TENM3: variants seen among roughly 807,000 people sequenced by gnomAD.
The protein encoded by TENM3 is teneurin-3.
A neutral mutation model predicts 255.1 loss-of-function variants in TENM3; 63 were observed. The observed-to-expected ratio is 0.25, with a 90% confidence interval of 0.20 to 0.30. The LOEUF (loss-of-function observed/expected upper bound fraction) is 0.30. TENM3 is among the 10% of genes least tolerant of loss of function. The pLI is 1.00. For synonymous variants in TENM3, 1,306 were observed against 1,322.3 expected (o/e 0.99, Z 0.27); for missense variants, 2,929 against 3,461.1 (o/e 0.85, Z 3.86).
At chr4:181,731,061 T>C in the TENM3 span, among the ~76,000 whole-genome samples, 1 of 152,338 alleles carries the variant, frequency 6.6e-6, no homozygotes, top group South Asian at 2.1e-4. Flanking sequence ...AAATCATGTC[T>C]GTGCAAGAGA....
intron 12 of TENM3, among the ~76,000 whole-genome samples, chr4:182,695,151 A>G (rs1757304854): frequency 6.6e-6 from 1 of 152,182 alleles, no homozygotes; most frequent in Non-Finnish European, 1.5e-5. Flanking sequence ...ACCCACAAAT[A>G]GCTGTTCTGG....
the TENM3 span, among the ~76,000 whole-genome samples, chr4:182,116,666 G>T: frequency 6.6e-6 from 1 of 152,168 alleles, no homozygotes; most frequent in African/African-American, 2.4e-5. Flanking sequence ...AAATTACCCA[G>T]TCTCAAGTAT....
At chr4:182,151,151 G>T (rs1750320251) in intron 1 of TENM3, among the ~76,000 whole-genome samples, 1 of 152,100 alleles carries the variant, frequency 6.6e-6, no homozygotes, top group East Asian at 1.9e-4. Context: ...TTCTATACTG[G>T]GATGGTATCT....
chr4:182,743,108 G>A, intron 18 of TENM3, 62 bp from the exon 19 acceptor site: 1 of 1,510,750 alleles, frequency 6.6e-7, no homozygotes, highest in Non-Finnish European at 8.9e-7. Context: ...TCATGAACAT[G>A]TTTGCTTTTC....
At chr4:182,025,955 C>T in the TENM3 span, among the ~76,000 whole-genome samples, 5 of 152,146 alleles carry the variant, frequency 3.3e-5, no homozygotes, top group African/African-American at 1.2e-4. Flanking sequence ...AGGTATTTCT[C>T]CTAATGCTAT....
At chr4:182,653,171 G>C (rs934712865) in intron 5 of TENM3, among the ~76,000 whole-genome samples, 5 of 152,168 alleles carry the variant, frequency 3.3e-5, no homozygotes, top group Admixed American at 3.3e-4. Context: ...GAAATTACCT[G>C]ACACATGTAC....
the TENM3 span, among the ~76,000 whole-genome samples, chr4:181,782,128 G>A: frequency 6.6e-6 from 1 of 152,102 alleles, no homozygotes. Flanking sequence ...GATGATGCTG[G>A]CCTCATAAAA....
intron 3 of TENM3, among the ~76,000 whole-genome samples, chr4:182,599,006 A>G (rs1359340326): frequency 6.6e-6 from 1 of 152,112 alleles, no homozygotes; most frequent in Non-Finnish European, 1.5e-5. Flanking sequence ...CTTTTTAGGC[A>G]AAGTCTTGTT....
chr4:182,043,873 C>T, the TENM3 span, among the ~76,000 whole-genome samples: 3 of 152,130 alleles, frequency 2.0e-5, no homozygotes, highest in Admixed American at 6.5e-5. Flanking sequence ...GCGCTCCCTA[C>T]GAAAGCCACT....
the TENM3 span, among the ~76,000 whole-genome samples, chr4:181,636,766 C>T: frequency 1.2e-4 from 18 of 152,316 alleles, no homozygotes; most frequent in Admixed American, 2.6e-4. Flanking sequence ...TTATCCTCAA[C>T]GCAGCGACCA....
At chr4:181,792,073 T>C in the TENM3 span, among the ~76,000 whole-genome samples, 1 of 152,202 alleles carries the variant, frequency 6.6e-6, no homozygotes, top group Non-Finnish European at 1.5e-5. Flanking sequence ...GGCTTACCTA[T>C]AATAAACCCA....
intron 2 of TENM3, among the ~76,000 whole-genome samples, chr4:182,341,853 C>G (rs572196499): frequency 6.6e-6 from 1 of 152,230 alleles, no homozygotes; most frequent in Non-Finnish European, 1.5e-5. Context: ...CTCACAGAAT[C>G]AGCTGCTTTT....
chr4:182,746,184 T>G (rs945147084), intron 19 of TENM3, among the ~76,000 whole-genome samples: 25 of 152,288 alleles, frequency 1.6e-4, no homozygotes, highest in Middle Eastern at 6.8e-3. Context: ...TTAAATAACA[T>G]TATCAGTATC....
chr4:182,471,627 CTGTGTGTGTGTG>C (rs35316767), intron 3 of TENM3, among the ~76,000 whole-genome samples: 1 of 149,722 alleles, frequency 6.7e-6, no homozygotes, highest in Non-Finnish European at 1.5e-5. Context: ...GCACATGCCT[CTGTGTGTGTGTG>C]TGTGTGTGTG....
the TENM3 span, among the ~76,000 whole-genome samples, chr4:182,134,037 AG>A: frequency 2.0e-5 from 3 of 149,374 alleles, no homozygotes; most frequent in African/African-American, 7.3e-5. Context: ...TTCTGCTTAC[AG>A]GGGGTCTAAA....
At chr4:181,853,896 G>A in the TENM3 span, among the ~76,000 whole-genome samples, 9 of 152,166 alleles carry the variant, frequency 5.9e-5, no homozygotes, top group African/African-American at 1.9e-4. Context: ...TGCTGTAAGC[G>A]TAAGATCTCT....
In TENM3 at chr4:182,771,970, G is replaced by T. The variant is rs1198719920; in HGVS notation, c.4893-1502G>T. On this transcript the variant is annotated intron_variant, in intron 22 of 27. Coordinates refer to ENST00000511685, the MANE Select transcript of TENM3 (RefSeq NM_001080477.4). ...GGCTGAGCAGCGTGGCAGGTTGTCA[G>T]ATCATGTCAGTCAAACCCATGATCT... Among the ~76,000 whole-genome samples, 3 of 152,080 alleles carry T rather than the reference G, an allele frequency of 2.0e-5. 1 individual carries two copies. Among genetic ancestry groups the T allele is most frequent in the Non-Finnish European group, 4.4e-5 (3 of 68,040 alleles).
chr4:181,693,656 A>G, the TENM3 span, among the ~76,000 whole-genome samples: 1 of 152,146 alleles, frequency 6.6e-6, no homozygotes, highest in Admixed American at 6.5e-5. Context: ...AGAGTTCTGC[A>G]GTGGGAGTCT....
chr4:181,940,960 T>G, the TENM3 span, among the ~76,000 whole-genome samples: 1 of 152,226 alleles, frequency 6.6e-6, no homozygotes, highest in Non-Finnish European at 1.5e-5. Context: ...CCATCTGAAT[T>G]TCCAGATGAA....
Sources: allele counts gnomAD v4.1 joint callset (sites outside exome capture counted in the v4.1 genomes callset), GRCh38; gene constraint gnomAD v4.1.1; transcripts MANE v1.5; gene names NCBI Gene and HGNC (gene_info 2026-07-23, HGNC 2026-07-21).